ZFHX3: variants seen among roughly 807,000 people sequenced by gnomAD.
ZFHX3 encodes zinc finger homeobox 3.
A neutral mutation model predicts 279.1 loss-of-function variants in ZFHX3; 42 were observed. The observed-to-expected ratio is 0.15, with a 90% CI of 0.12 to 0.19. ZFHX3 has a LOEUF of 0.19. Among genes scored for constraint, ZFHX3 ranks in the 10% least tolerant of loss-of-function variants. The probability of loss-of-function intolerance (pLI) is 1.00; values close to 1 mark genes in which losing one functional copy is unlikely to be tolerated. For synonymous variants in ZFHX3, 2,293 were observed against 1,957.8 expected, an observed-to-expected ratio of 1.17 and a Z score of -4.52; for missense variants, 4,981 against 4,754.0, an observed-to-expected ratio of 1.05 and a Z score of -1.40.
chr16:73,539,715 C>T (rs1321219555), intron 2 of ZFHX3, among the ~76,000 whole-genome samples: 1 of 152,128 alleles, frequency 6.6e-6, no homozygotes, highest in Non-Finnish European at 1.5e-5. Flanking sequence ...TCTTCCACCG[C>T]CTGCCCGTGT....
chr16:73,720,197 A>G (rs543161369), intron 1 of ZFHX3, among the ~76,000 whole-genome samples: 59 of 152,346 alleles, frequency 3.9e-4, no homozygotes, highest in African/African-American at 1.3e-3. Context: ...GTGTGGAAAA[A>G]GAGTTGTGGA....
At chr16:73,832,370 A>G (rs1045682201) in intron 1 of ZFHX3, among the ~76,000 whole-genome samples, 1 of 152,142 alleles carries the variant, frequency 6.6e-6, no homozygotes, top group Admixed American at 6.5e-5. Context: ...TGTTTACTGT[A>G]TAAGGAATGG....
chr16:73,654,627 T>C (rs2052704150), intron 2 of ZFHX3, among the ~76,000 whole-genome samples: 1 of 152,050 alleles, frequency 6.6e-6, no homozygotes, highest in Non-Finnish European at 1.5e-5. Context: ...AATAATTTGG[T>C]TGTAAACCAA....
At chr16:73,350,214 A>G (rs1452442636) in intron 3 of ZFHX3, among the ~76,000 whole-genome samples, 4 of 152,048 alleles carry the variant, frequency 2.6e-5, no homozygotes, top group Non-Finnish European at 4.4e-5. Flanking sequence ...TTCCCTGATG[A>G]TTACCTTCTC....
intron 2 of ZFHX3, among the ~76,000 whole-genome samples, chr16:73,524,764 AG>A (rs2019664121): frequency 1.3e-5 from 2 of 152,212 alleles, no homozygotes; most frequent in South Asian, 2.1e-4. Context: ...GCAAGTGGTC[AG>A]CTGGTATTCT....
chr16:73,788,694 G>T (rs1010318768), intron 1 of ZFHX3, among the ~76,000 whole-genome samples: 88 of 151,558 alleles, frequency 5.8e-4, no homozygotes, highest in African/African-American at 2.1e-3. Context: ...TACAAAATGG[G>T]AATGTAGGGG....
At chr16:73,587,253 G>A (rs895669940) in intron 2 of ZFHX3, among the ~76,000 whole-genome samples, 5 of 152,170 alleles carry the variant, frequency 3.3e-5, no homozygotes, top group African/African-American at 1.2e-4. Flanking sequence ...TAGGGAAGGT[G>A]AAAAATTTAG....
At chr16:72,973,155 C>T (rs192136589) in intron 1 of ZFHX3, among the ~76,000 whole-genome samples, 32 of 152,342 alleles carry the variant, frequency 2.1e-4, no homozygotes, top group African/African-American at 6.7e-4. Context: ...GTCCCACCAA[C>T]CAAGACTCAG....
intron 2 of ZFHX3, among the ~76,000 whole-genome samples, chr16:73,667,233 A>G (rs965517365): frequency 6.6e-6 from 1 of 151,538 alleles, no homozygotes; most frequent in Non-Finnish European, 1.5e-5. Context: ...CTTGTGATCC[A>G]CCCGCCTCAG....
At chr16:73,483,058 C>T (rs2018898645) in intron 2 of ZFHX3, among the ~76,000 whole-genome samples, 1 of 152,176 alleles carries the variant, frequency 6.6e-6, no homozygotes, top group African/African-American at 2.4e-5. Flanking sequence ...TCCCTCTTCC[C>T]CCTCCATGGG....
intron 3 of ZFHX3, among the ~76,000 whole-genome samples, chr16:73,434,872 G>A (rs528154036): frequency 1.6e-4 from 24 of 152,238 alleles, no homozygotes; most frequent in African/African-American, 3.4e-4. Flanking sequence ...GTCAGTGGCC[G>A]GCATGGCTAT....
intron 2 of ZFHX3, among the ~76,000 whole-genome samples, chr16:72,953,928 G>C (rs914946259): frequency 3.9e-5 from 6 of 152,206 alleles, no homozygotes; most frequent in Non-Finnish European, 8.8e-5. Context: ...TGAAATGAGT[G>C]AGGATGACAG....
In ZFHX3 at chr16:72,958,903, T is replaced by A. The variant is rs769198740; in HGVS notation, c.1243A>T (p.Ile415Phe). 6.2e-7 allele frequency: 1 copy of A among 1,607,570 alleles called. No individual in the cohort carries two copies. Among genetic ancestry groups the A allele is most frequent in the Non-Finnish European group, 8.5e-7 (1 of 1,176,724 alleles). The change falls in exon 2 of 10, where the codon ATT (isoleucine) becomes TTT (phenylalanine). Residue 415 changes from isoleucine (I) to phenylalanine (F), a missense_variant. This residue lies in a region of ZFHX3 where 1,068 missense variants were observed against 935.2 expected (regional missense o/e 1.14). Coordinates refer to ENST00000268489, the MANE Select transcript of ZFHX3 (RefSeq NM_006885.4). ...GLTSSVLKTP[I>F]TSVPLGPLAS... ...AGAGGCCCCAGGGGGACTGAGGTAATGGGGGTCTTCAGTACCGAGCTGGTG... is the reference window on the plus strand; with the variant it reads ...AGAGGCCCCAGGGGGACTGAGGTAAAGGGGGTCTTCAGTACCGAGCTGGTG...
At chr16:73,851,738 T>G (rs1436793381) in intron 1 of ZFHX3, among the ~76,000 whole-genome samples, 1 of 152,228 alleles carries the variant, frequency 6.6e-6, no homozygotes, top group East Asian at 1.9e-4. Context: ...ACATACTAAA[T>G]TGATATATCT....
chr16:73,266,144 C>A (rs2144974160), intron 4 of ZFHX3, among the ~76,000 whole-genome samples: 1 of 152,318 alleles, frequency 6.6e-6, no homozygotes, highest in Non-Finnish European at 1.5e-5. Flanking sequence ...ATTACAAATG[C>A]AAATGTAACC....
At chr16:73,188,669 A>G in intron 5 of ZFHX3, among the ~76,000 whole-genome samples, 1 of 152,080 alleles carries the variant, frequency 6.6e-6, no homozygotes, top group East Asian at 1.9e-4. Context: ...CTCTGAAAAT[A>G]TTTCCGCTAT....
intron 3 of ZFHX3, among the ~76,000 whole-genome samples, chr16:73,346,753 T>C (rs894147868): frequency 1.3e-5 from 2 of 152,206 alleles, no homozygotes; most frequent in African/African-American, 4.8e-5. Context: ...ATTACAGGCG[T>C]GAGCCACTGT....
chr16:73,483,613 G>A (rs2018912921), intron 2 of ZFHX3, among the ~76,000 whole-genome samples: 1 of 152,112 alleles, frequency 6.6e-6, no homozygotes, highest in Non-Finnish European at 1.5e-5. Context: ...GAAAAAGGGA[G>A]AGTGGGGGGC....
At chr16:73,300,931 T>C (rs2015041871) in intron 4 of ZFHX3, among the ~76,000 whole-genome samples, 1 of 152,206 alleles carries the variant, frequency 6.6e-6, no homozygotes, top group South Asian at 2.1e-4. Context: ...GAGACTGATG[T>C]TGGAGAGCTG....
Sources: allele counts gnomAD v4.1 joint callset (sites outside exome capture counted in the v4.1 genomes callset), GRCh38; gene constraint gnomAD v4.1.1; regional missense constraint gnomAD v4.1.1; transcripts MANE v1.5; gene names NCBI Gene and HGNC (gene_info 2026-07-23, HGNC 2026-07-21).